The following FCHO2 variants were observed in gnomAD, a reference collection of about 807,000 sequenced individuals.
FCHO2 encodes the protein FCH and mu domain containing endocytic adaptor 2.
Under a neutral mutation model 114.1 loss-of-function variants are expected in FCHO2, and 43 were observed. The observed-to-expected ratio is 0.38, with a 90% CI of 0.30 to 0.49. The LOEUF (loss-of-function observed/expected upper bound fraction) is 0.49. FCHO2 is among the 20% of genes least tolerant of loss of function. The pLI, the probability that FCHO2 is intolerant of heterozygous loss-of-function variation, is 0.97. For synonymous variants in FCHO2, 293 were observed against 315.2 expected (o/e 0.93, Z 0.75); for missense variants, 807 against 950.4 (o/e 0.85, Z 1.98).
chr5:73,006,375 T>C (rs1754715309), intron 5 of FCHO2, 70 bp from the exon 6 acceptor site: 1 of 907,706 alleles, frequency 1.1e-6, no homozygotes, highest in Non-Finnish European at 1.5e-6. Flanking sequence ...TTGTTATTCA[T>C]ATTAACTTAC....
chr5:73,015,535 G>T, intron 6 of FCHO2, 91 bp from the exon 7 acceptor site: 1 of 736,848 alleles, frequency 1.4e-6, no homozygotes, highest in East Asian at 3.4e-5. Flanking sequence ...AGTGCTGGGA[G>T]AGATGATTTC....
chr5:72,956,231 C>A, intron 1 of FCHO2, 102 bp downstream of exon 1: 2 of 1,459,222 alleles, frequency 1.4e-6, no homozygotes, highest in East Asian at 2.8e-5. Flanking sequence ...GCCCCTCCGG[C>A]AGGGCGAGCG....
intron 2 of FCHO2, among the ~76,000 whole-genome samples, chr5:72,985,786 T>C (rs1753491152): frequency 6.6e-6 from 1 of 152,212 alleles, no homozygotes; most frequent in South Asian, 2.1e-4. Context: ...TATTTTGTTC[T>C]TTCTCTTTTT....
intron 13 of FCHO2, among the ~76,000 whole-genome samples, chr5:73,053,685 G>T (rs1465906272): frequency 1.4e-5 from 2 of 139,508 alleles, no homozygotes; most frequent in Non-Finnish European, 3.1e-5. Flanking sequence ...GACAGAGCGA[G>T]ACTTCGTCTC....
At chr5:73,001,169 G>A (rs1241576542) in intron 5 of FCHO2, among the ~76,000 whole-genome samples, 2 of 152,114 alleles carry the variant, frequency 1.3e-5, no homozygotes, top group Admixed American at 1.3e-4. Context: ...GGCCAGGGTG[G>A]AGGGATAACT....
At chr5:73,038,788 T>C (rs1330663450) in intron 10 of FCHO2, among the ~76,000 whole-genome samples, 1 of 152,322 alleles carries the variant, frequency 6.6e-6, no homozygotes, top group East Asian at 1.9e-4. Flanking sequence ...TTATGAAGGG[T>C]ATATTTTTAA....
At chr5:73,082,168 A>G (rs748958631) in intron 23 of FCHO2, among the ~76,000 whole-genome samples, 186 bp downstream of exon 23, 3 of 152,186 alleles carry the variant, frequency 2.0e-5, no homozygotes, top group Non-Finnish European at 2.9e-5. Context: ...ATCAAAAATA[A>G]ACAAAACTAG....
chr5:72,965,099 A>G (rs1752122943), intron 1 of FCHO2, among the ~76,000 whole-genome samples: 1 of 152,150 alleles, frequency 6.6e-6, no homozygotes, highest in Non-Finnish European at 1.5e-5. Context: ...GTTTTGAAAC[A>G]TATCCCCTGT....
intron 8 of FCHO2, chr5:73,021,220 G>C: frequency 2.8e-6 from 2 of 726,582 alleles, no homozygotes; most frequent in Non-Finnish European, 5.2e-6. Context: ...GGGAAAAACT[G>C]ATCTTCTTTA....
chr5:73,037,347 C>A, intron 10 of FCHO2, 132 bp downstream of exon 10: 2 of 397,418 alleles, frequency 5.0e-6, no homozygotes, highest in Non-Finnish European at 8.3e-6. Flanking sequence ...GAAAAACAAG[C>A]CTTTCTAAAT....
intron 11 of FCHO2, among the ~76,000 whole-genome samples, chr5:73,043,981 AAT>A (rs1482135303): frequency 2.0e-5 from 3 of 152,130 alleles, no homozygotes; most frequent in Non-Finnish European, 4.4e-5. Context: ...GGTGGGAGGC[AAT>A]TGGGTCAGGG....
chr5:73,017,025 T>C (rs1755341347), intron 7 of FCHO2, among the ~76,000 whole-genome samples, 187 bp from the exon 8 acceptor site: 1 of 152,198 alleles, frequency 6.6e-6, no homozygotes, highest in Non-Finnish European at 1.5e-5. Flanking sequence ...AAGGGGTTAA[T>C]GTAAGTCATG....
intron 1 of FCHO2, among the ~76,000 whole-genome samples, chr5:72,961,418 A>G (rs1001060883): frequency 5.9e-5 from 9 of 152,302 alleles, no homozygotes; most frequent in Admixed American, 3.9e-4. Flanking sequence ...TTTTTAGGAT[A>G]TGATCCCATC....
chr5:73,011,920 A>T (rs1580099000), intron 6 of FCHO2, among the ~76,000 whole-genome samples: 1 of 152,194 alleles, frequency 6.6e-6, no homozygotes, highest in East Asian at 1.9e-4. Context: ...AGGAAAAAAA[A>T]AAAAAGTATC....
chr5:73,019,555 G>T (rs1249495639), intron 8 of FCHO2, among the ~76,000 whole-genome samples: 1 of 152,004 alleles, frequency 6.6e-6, no homozygotes. Context: ...AAATAAAAAA[G>T]AATTTTGTGC....
chr5:72,988,362 C>G (rs978906255), intron 2 of FCHO2, among the ~76,000 whole-genome samples: 3 of 152,016 alleles, frequency 2.0e-5, no homozygotes, highest in Non-Finnish European at 4.4e-5. Context: ...CGCTTGAATC[C>G]GGGAGGCGGA....
chr5:73,016,165 C>T (rs1273170638), intron 7 of FCHO2, among the ~76,000 whole-genome samples: 2 of 152,018 alleles, frequency 1.3e-5, no homozygotes. Flanking sequence ...ATTCTTCAAA[C>T]TAGCCAGGCA....
intron 5 of FCHO2, among the ~76,000 whole-genome samples, chr5:72,994,833 C>T (rs1355920290): frequency 6.6e-6 from 1 of 152,026 alleles, no homozygotes; most frequent in Admixed American, 6.6e-5. Flanking sequence ...GGAGCTGGAG[C>T]CCATTATTCT....
chr5:72,962,556 A>G (rs192533449), intron 1 of FCHO2, among the ~76,000 whole-genome samples: 1 of 152,312 alleles, frequency 6.6e-6, no homozygotes, highest in East Asian at 1.9e-4. Context: ...AAGGAAGGGA[A>G]TAAGGACTTG....
Sources: allele counts gnomAD v4.1 joint callset (sites outside exome capture counted in the v4.1 genomes callset), GRCh38; gene constraint gnomAD v4.1.1; transcripts MANE v1.5; gene names NCBI Gene and HGNC (gene_info 2026-07-23, HGNC 2026-07-21).